The following PTPRK variants were observed in gnomAD, a reference collection of about 807,000 sequenced individuals.
The protein encoded by PTPRK is protein tyrosine phosphatase receptor type K, also known as receptor-type tyrosine-protein phosphatase kappa.
PTPRK carries 75 observed loss-of-function variants against 178.0 expected under a neutral mutation model. The ratio of observed to expected loss-of-function variants is 0.42; its 90% CI spans 0.35 to 0.51. The LOEUF is 0.51. PTPRK is among the 20% of genes least tolerant of loss of function. The pLI is 0.02. For missense variants in PTPRK, 1,441 were observed against 1,797.8 expected (o/e 0.80, Z 3.59); for synonymous variants, 637 against 620.6 (o/e 1.03, Z -0.39).
chr6:128,433,893 G>T (rs1845177646), intron 1 of PTPRK, among the ~76,000 whole-genome samples: 1 of 149,252 alleles, frequency 6.7e-6, no homozygotes, highest in Non-Finnish European at 1.5e-5. Context: ...AGATACTTGA[G>T]CACAGCAGAG....
intron 7 of PTPRK, among the ~76,000 whole-genome samples, chr6:128,167,934 C>T (rs1156686848): frequency 6.6e-6 from 1 of 151,942 alleles, no homozygotes; most frequent in Non-Finnish European, 1.5e-5. Flanking sequence ...TTACTGTTAC[C>T]AAAAACCTAC....
At chr6:128,111,110 C>A (rs1368578235) in intron 7 of PTPRK, among the ~76,000 whole-genome samples, 1 of 152,118 alleles carries the variant, frequency 6.6e-6, no homozygotes, top group Non-Finnish European at 1.5e-5. Context: ...TATCGGTAGG[C>A]ATATTTAAAA....
At chr6:128,406,245 C>A (rs139550574) in intron 1 of PTPRK, among the ~76,000 whole-genome samples, 6 of 151,422 alleles carry the variant, frequency 4.0e-5, no homozygotes, top group African/African-American at 1.5e-4. Context: ...AGAGTGAGAC[C>A]CCATCTCAAA....
At chr6:128,077,650 C>T (rs906788714) in intron 11 of PTPRK, among the ~76,000 whole-genome samples, 13 of 151,938 alleles carry the variant, frequency 8.6e-5, no homozygotes, top group African/African-American at 3.1e-4. Context: ...TATGAAGTGC[C>T]TACGTGGATT....
intron 7 of PTPRK, among the ~76,000 whole-genome samples, chr6:128,170,560 T>G (rs1007578526): frequency 2.0e-5 from 3 of 152,038 alleles, no homozygotes; most frequent in Non-Finnish European, 4.4e-5. Flanking sequence ...GCATATTATT[T>G]ACTTGAGAAA....
At chr6:128,114,580 G>A (rs751317332) in intron 7 of PTPRK, among the ~76,000 whole-genome samples, 2 of 147,244 alleles carry the variant, frequency 1.4e-5, no homozygotes, top group East Asian at 2.0e-4. Context: ...CCAAGGTCGC[G>A]CCACTGCACT....
chr6:128,217,121 C>G (rs1324784176), intron 6 of PTPRK, among the ~76,000 whole-genome samples: 1 of 152,174 alleles, frequency 6.6e-6, no homozygotes, highest in African/African-American at 2.4e-5. Flanking sequence ...AGGACACCTT[C>G]AGGCTTTCAA....
At chr6:128,462,905 CCT>C (rs1562571934) in intron 1 of PTPRK, among the ~76,000 whole-genome samples, 3 of 152,058 alleles carry the variant, frequency 2.0e-5, no homozygotes, top group Admixed American at 1.3e-4. Flanking sequence ...GATCCACCTG[CCT>C]TGGCCTCCTA....
intron 2 of PTPRK, among the ~76,000 whole-genome samples, chr6:128,384,357 A>G (rs555264615): frequency 6.6e-6 from 1 of 151,184 alleles, no homozygotes; most frequent in East Asian, 2.0e-4. Flanking sequence ...GATATCTCGC[A>G]ATACAAAGAT....
At chr6:128,102,796 T>C (rs1026265135) in intron 7 of PTPRK, among the ~76,000 whole-genome samples, 1 of 152,196 alleles carries the variant, frequency 6.6e-6, no homozygotes, top group Non-Finnish European at 1.5e-5. Flanking sequence ...TGTGATTCCA[T>C]AGCATGTTCC....
chr6:128,282,910 G>A (rs1455552064), intron 3 of PTPRK, among the ~76,000 whole-genome samples: 1 of 152,148 alleles, frequency 6.6e-6, no homozygotes, highest in Non-Finnish European at 1.5e-5. Context: ...TGGTAGTTGG[G>A]ATGAAAATGA....
chr6:128,433,273 G>A (rs187627339), intron 1 of PTPRK, among the ~76,000 whole-genome samples: 27 of 151,538 alleles, frequency 1.8e-4, no homozygotes, highest in South Asian at 6.3e-4. Flanking sequence ...TTTCCACCCC[G>A]CAACCCACAC....
intron 7 of PTPRK, among the ~76,000 whole-genome samples, chr6:128,137,850 T>TTA (rs1224707466): frequency 4.6e-5 from 7 of 152,112 alleles, no homozygotes; most frequent in Non-Finnish European, 1.0e-4. Context: ...AAGGAAGAGC[T>TTA]TATATAGCTC....
At chr6:128,052,325 C>T (rs562809778) in intron 13 of PTPRK, among the ~76,000 whole-genome samples, 11 of 152,312 alleles carry the variant, frequency 7.2e-5, no homozygotes, top group African/African-American at 2.6e-4. Flanking sequence ...TAACTACTGT[C>T]TAAACTTCAG....
In PTPRK at chr6:128,105,793, T is replaced by C. The variant is rs183476924; in HGVS notation, c.1163-15801A>G. ...CATCTTTTTCATTCACATGGAGACC[T>C]AAGGAGTTAGTTTTTACAGCCTGCG... On this transcript the variant is annotated intron_variant, in intron 7 of 29. Transcript: ENST00000368226. Among the ~76,000 whole-genome samples the C allele has an allele frequency of 5.0e-4, 76 of 152,328 alleles. 1 individual carries two copies. The highest frequency in any genetic ancestry group is 1.8e-3 in the African/African-American group (76 of 41,574).
chr6:128,129,971 T>C (rs1583143371), intron 7 of PTPRK, among the ~76,000 whole-genome samples: 1 of 152,176 alleles, frequency 6.6e-6, no homozygotes, highest in South Asian at 2.1e-4. Context: ...CATCAGATAA[T>C]GTCACATTCA....
At chr6:128,326,161 T>G (rs1030697001) in intron 2 of PTPRK, among the ~76,000 whole-genome samples, 1 of 151,860 alleles carries the variant, frequency 6.6e-6, no homozygotes, top group African/African-American at 2.4e-5. Flanking sequence ...CACCAGGGCC[T>G]GTTGGGAGGC....
rs562197723 is a variant in PTPRK at position 128,224,512 on chromosome 6, G to A, written c.694-5416C>T. Among the ~76,000 whole-genome samples the A allele has an allele frequency of 2.0e-5, 3 of 152,294 alleles. No homozygotes were observed. In the South Asian group the frequency reaches 6.2e-4, roughly 32 times the overall value. ...ACCTTGCCATGTGGTCTACAGACCA[G>A]TAGCATCAGCATCAACTGGCAGATT... On this transcript the variant is annotated intron_variant, in intron 5 of 29. Coordinates refer to ENST00000368226, the MANE Select transcript of PTPRK (RefSeq NM_002844.4).
intron 6 of PTPRK, among the ~76,000 whole-genome samples, chr6:128,199,561 T>C (rs1805522635): frequency 9.0e-6 from 1 of 110,670 alleles, no homozygotes; most frequent in South Asian, 2.8e-4. Flanking sequence ...GCCTACAATA[T>C]ATCAAGGAAG....
Sources: allele counts gnomAD v4.1 joint callset (sites outside exome capture counted in the v4.1 genomes callset), GRCh38; gene constraint gnomAD v4.1.1; transcripts MANE v1.5; gene names NCBI Gene and HGNC (gene_info 2026-07-23, HGNC 2026-07-21).